The following CLSTN2 variants were observed in gnomAD, a reference collection of about 807,000 sequenced individuals.
CLSTN2 encodes the protein calsyntenin 2.
CLSTN2 carries 48 observed loss-of-function variants against 101.2 expected under a neutral mutation model. That is an observed-to-expected ratio of 0.47 (90% CI 0.38 to 0.60). The LOEUF is 0.60. CLSTN2 is among the 20% of genes least tolerant of loss of function. The probability of loss-of-function intolerance (pLI) is 0.00; values close to 1 mark genes in which losing one functional copy is unlikely to be tolerated. For missense variants in CLSTN2, 1,160 were observed against 1,238.2 expected, an observed-to-expected ratio of 0.94 and a Z score of 0.95; for synonymous variants, 481 against 463.6, an observed-to-expected ratio of 1.04 and a Z score of -0.48.
At chr3:140,446,512 G>A (rs909107079) in intron 5 of CLSTN2, among the ~76,000 whole-genome samples, 4 of 152,122 alleles carry the variant, frequency 2.6e-5, no homozygotes, top group Admixed American at 2.6e-4. Flanking sequence ...TGTGATGCAG[G>A]AGGGCGGATT....
intron 2 of CLSTN2, among the ~76,000 whole-genome samples, chr3:140,347,004 A>T (rs13093198): frequency 2.0e-5 from 3 of 152,196 alleles, no homozygotes; most frequent in Admixed American, 1.3e-4. Flanking sequence ...TGTCTTTTCT[A>T]ACTTTTATTT....
At chr3:140,168,300 C>T (rs371882531) in intron 1 of CLSTN2, among the ~76,000 whole-genome samples, 60 of 152,164 alleles carry the variant, frequency 3.9e-4, no homozygotes, top group African/African-American at 1.4e-3. Flanking sequence ...AATTTTTATG[C>T]TCTAATTTGC....
At chr3:140,163,281 C>T (rs916002219) in intron 1 of CLSTN2, among the ~76,000 whole-genome samples, 19 of 152,020 alleles carry the variant, frequency 1.2e-4, no homozygotes, top group African/African-American at 4.1e-4. Flanking sequence ...TGTCATTTCC[C>T]GGAAAAGAAA....
intron 8 of CLSTN2, among the ~76,000 whole-genome samples, chr3:140,487,022 C>T (rs1389587484): frequency 6.6e-6 from 1 of 152,178 alleles, no homozygotes; most frequent in Non-Finnish European, 1.5e-5. Flanking sequence ...AGCCTTGCCT[C>T]AGTATGGACC....
intron 2 of CLSTN2, among the ~76,000 whole-genome samples, chr3:140,305,851 G>C (rs953781602): frequency 6.6e-6 from 1 of 151,978 alleles, no homozygotes; most frequent in Non-Finnish European, 1.5e-5. Context: ...ATGAAGCCTG[G>C]CAGGACTGAC....
intron 2 of CLSTN2, among the ~76,000 whole-genome samples, chr3:140,392,703 C>T (rs2088129498): frequency 6.6e-6 from 1 of 151,742 alleles, no homozygotes; most frequent in African/African-American, 2.4e-5. Context: ...GCCTAAGTTC[C>T]TAAAGACACT....
chr3:140,516,091 CT>C (rs1934911411), intron 8 of CLSTN2, among the ~76,000 whole-genome samples: 1 of 151,870 alleles, frequency 6.6e-6, no homozygotes, highest in Non-Finnish European at 1.5e-5. Context: ...TGTAATGTTC[CT>C]CTTTGTCTTT....
intron 1 of CLSTN2, among the ~76,000 whole-genome samples, chr3:140,026,689 T>G (rs980808653): frequency 2.6e-5 from 4 of 152,214 alleles, no homozygotes; most frequent in Admixed American, 6.5e-5. Flanking sequence ...GAGTGTGATA[T>G]CTTCTCTGTC....
chr3:140,462,307 T>A (rs572258139), intron 7 of CLSTN2, among the ~76,000 whole-genome samples: 23 of 152,334 alleles, frequency 1.5e-4, no homozygotes, highest in Admixed American at 1.4e-3. Flanking sequence ...CTCTGCCATG[T>A]AGATTTATCA....
rs963999701 is a variant in CLSTN2 at position 140,566,932 on chromosome 3, G to C, written c.*679G>C. 10 of 152,584 alleles carry C rather than the reference G, an allele frequency of 6.6e-5. No individual in the cohort carries two copies. Among genetic ancestry groups the C allele is most frequent in the African/African-American group, 2.4e-4 (10 of 41,438 alleles). 9.5% of individuals were successfully genotyped at this position (152,584 alleles called of 1,614,324 possible). A position where few individuals can be genotyped will look rare whatever the true frequency, so the allele number is the denominator to read the frequency against. On this transcript the variant is annotated 3_prime_UTR_variant, in exon 17 of 17. Coordinates refer to ENST00000458420, the MANE Select transcript of CLSTN2 (RefSeq NM_022131.3). The stretch of plus-strand genomic sequence containing the variant: ...AAGAATAGGTCCTTGGCCACAAGCA[G>C]GGTCTGATCCCCCATCAGAGCTATC...
At chr3:140,069,725 G>A (rs1043075931) in intron 1 of CLSTN2, among the ~76,000 whole-genome samples, 2 of 152,282 alleles carry the variant, frequency 1.3e-5, no homozygotes, top group East Asian at 1.9e-4. Context: ...GATTTAGCTA[G>A]ACTCTGAAGT....
At chr3:140,025,513 G>A (rs564790972) in intron 1 of CLSTN2, among the ~76,000 whole-genome samples, 1 of 152,104 alleles carries the variant, frequency 6.6e-6, no homozygotes, top group African/African-American at 2.4e-5. Context: ...TGAGATTTTG[G>A]TTGTTGTTAT....
chr3:140,227,387 A>C (rs989680449), intron 2 of CLSTN2, among the ~76,000 whole-genome samples: 1 of 152,228 alleles, frequency 6.6e-6, no homozygotes, highest in Non-Finnish European at 1.5e-5. Flanking sequence ...AAGCTGATGC[A>C]AGAAGTTGGT....
rs1985658157 is a variant in CLSTN2 at position 140,574,119 on chromosome 3, A to G, written c.*7866A>G. On this transcript the variant is annotated 3_prime_UTR_variant, in exon 17 of 17. Coordinates refer to ENST00000458420, the MANE Select transcript of CLSTN2 (RefSeq NM_022131.3). ...ATGTGTGCCACAAATGTTGAATTGA[A>G]TTGAATCCCAGAGATCACTTGACCT... 4 of 152,180 alleles carry G rather than the reference A, an allele frequency of 2.6e-5. No individual in the cohort carries two copies. Among genetic ancestry groups the G allele is most frequent in the Admixed American group, 1.3e-4 (2 of 15,286 alleles). 9.4% of individuals were successfully genotyped at this position (152,180 alleles called of 1,614,324 possible).
chr3:140,425,424 C>A (rs1009369540), intron 5 of CLSTN2, among the ~76,000 whole-genome samples: 3 of 152,216 alleles, frequency 2.0e-5, no homozygotes, highest in Non-Finnish European at 4.4e-5. Flanking sequence ...CCCAGCTATG[C>A]ACAGAAGGAC....
At chr3:140,399,472 T>C (rs1213621684) in intron 2 of CLSTN2, among the ~76,000 whole-genome samples, 1 of 152,250 alleles carries the variant, frequency 6.6e-6, no homozygotes, top group African/African-American at 2.4e-5. Context: ...CTATTTGGTA[T>C]AGTTCTAAGT....
intron 2 of CLSTN2, among the ~76,000 whole-genome samples, chr3:140,208,002 A>C (rs1173046973): frequency 6.6e-6 from 1 of 152,040 alleles, no homozygotes; most frequent in Admixed American, 6.6e-5. Flanking sequence ...TCTCTCTCTA[A>C]CTTCTTTTTA....
At chr3:140,075,291 C>T (rs1193043515) in intron 1 of CLSTN2, among the ~76,000 whole-genome samples, 1 of 152,012 alleles carries the variant, frequency 6.6e-6, no homozygotes, top group Non-Finnish European at 1.5e-5. Context: ...TAATATTTGT[C>T]CTTCCTTCAC....
intron 2 of CLSTN2, among the ~76,000 whole-genome samples, chr3:140,197,575 C>T (rs1397468898): frequency 2.6e-5 from 4 of 152,084 alleles, no homozygotes; most frequent in Admixed American, 6.6e-5. Flanking sequence ...TCGTTCTGAT[C>T]GCTGGTTCTC....
Sources: gnomAD v4.1 joint callset for allele counts (sites outside exome capture counted in the v4.1 genomes callset) on GRCh38, gnomAD v4.1.1 for gene constraint, MANE v1.5 for transcripts, NCBI Gene and HGNC (gene_info 2026-07-23, HGNC 2026-07-21) for gene names.